The following PCDHA10 variants were observed in gnomAD, a reference collection of about 807,000 sequenced individuals.
PCDHA10 encodes protocadherin alpha-10.
Under a neutral mutation model 61.2 loss-of-function variants are expected in PCDHA10, and 45 were observed. That is an observed-to-expected ratio of 0.74 (90% confidence interval 0.58 to 0.94). PCDHA10 has a LOEUF of 0.94. PCDHA10 is among the 40% of genes least tolerant of loss of function. The pLI, the probability that PCDHA10 is intolerant of heterozygous loss-of-function variation, is 0.00. For missense variants in PCDHA10, 1,278 were observed against 1,236.2 expected, an observed-to-expected ratio of 1.03 and a Z score of -0.51; for synonymous variants, 602 against 548.8, an observed-to-expected ratio of 1.10 and a Z score of -1.35.
At chr5:140,882,369 C>T (rs1554173809) in intron 1 of PCDHA10, 1 of 1,614,222 alleles carries the variant, frequency 6.2e-7, no homozygotes, top group South Asian at 1.1e-5. Context: ...CTCCACTACT[C>T]CGTCCCCGAG....
At chr5:140,897,759 G>A (rs1238732675) in intron 1 of PCDHA10, among the ~76,000 whole-genome samples, 7 of 152,228 alleles carry the variant, frequency 4.6e-5, no homozygotes, top group South Asian at 2.1e-4. Flanking sequence ...CTGAGGAATC[G>A]CCACACTGAC....
chr5:140,998,066 C>T (rs1234368433), intron 3 of PCDHA10, among the ~76,000 whole-genome samples: 2 of 152,160 alleles, frequency 1.3e-5, no homozygotes, highest in East Asian at 1.9e-4. Flanking sequence ...CATCAACAGA[C>T]TTAGCCTCTG....
intron 1 of PCDHA10, among the ~76,000 whole-genome samples, chr5:140,958,384 C>G (rs1352428582): frequency 6.6e-6 from 1 of 152,098 alleles, no homozygotes; most frequent in Non-Finnish European, 1.5e-5. Context: ...ATTTTCTTAA[C>G]AGGTCATCAA....
intron 1 of PCDHA10, among the ~76,000 whole-genome samples, chr5:140,960,080 A>G: frequency 6.6e-6 from 1 of 152,360 alleles, no homozygotes; most frequent in South Asian, 2.1e-4. Context: ...GAAGTTTCTA[A>G]AAGAGAAAGA....
rs188796483 is a variant in PCDHA10 at position 140,869,402 on chromosome 5, C to T, written c.2388+10966C>T. On this transcript the variant is annotated intron_variant, in intron 1 of 3. Transcript: ENST00000307360. The stretch of plus-strand genomic sequence containing the variant: ...CGCGAGGAGCTGTGCGGGCAGAGCG[C>T]GGAGTGCAGCATCCACCTGGAGGTG... 9.6e-4 allele frequency: 1,554 copies of T among 1,614,178 alleles called. 9 individuals are homozygous for T. The highest frequency in any genetic ancestry group is 2.2e-4 in the Non-Finnish European group (262 of 1,180,040).
Position 141,009,859 on chromosome 5 carries a change from G to A in PCDHA10, c.2769G>A (p.Lys923=). The A allele has an allele frequency of 1.2e-6, 2 of 1,613,884 alleles. No homozygotes were observed. Among genetic ancestry groups the A allele is most frequent in the Non-Finnish European group, 1.7e-6 (2 of 1,179,960 alleles). The part of the protein sequence containing the change: ...TFGKKEETKK[K]KKKKKGNKTQ... ...GCAAAAAGGAGGAGACCAAGAAAAA[G>A]AAGAAAAAGAAGAAGGGTAACAAGA... The change falls in exon 4 of 4, where the codon AAG becomes AAA. Residue 923 remains lysine (K), a synonymous_variant. Transcript: ENST00000307360.
At chr5:141,008,707 T>C (rs1255261995) in intron 3 of PCDHA10, among the ~76,000 whole-genome samples, 1 of 152,216 alleles carries the variant, frequency 6.6e-6, no homozygotes, top group Non-Finnish European at 1.5e-5. Flanking sequence ...TGGTTTCTAG[T>C]TGCTTGAGTG....
intron 1 of PCDHA10, among the ~76,000 whole-genome samples, chr5:140,893,817 C>G (rs951661016): frequency 6.6e-6 from 1 of 151,980 alleles, no homozygotes; most frequent in Admixed American, 6.6e-5. Flanking sequence ...AGTCTGGTAC[C>G]GTAGACTACT....
At chr5:140,880,095 A>G (rs2058235665) in intron 1 of PCDHA10, among the ~76,000 whole-genome samples, 1 of 152,246 alleles carries the variant, frequency 6.6e-6, no homozygotes, top group South Asian at 2.1e-4. Flanking sequence ...AGTAGGCTTA[A>G]AATCATAGAA....
At chr5:140,944,304 C>T (rs1383475197) in intron 1 of PCDHA10, among the ~76,000 whole-genome samples, 1 of 152,162 alleles carries the variant, frequency 6.6e-6, no homozygotes, top group Non-Finnish European at 1.5e-5. Context: ...CCTCCTACCT[C>T]AGCCTCCTGA....
At chr5:140,990,029 A>G (rs1343846819) in intron 3 of PCDHA10, among the ~76,000 whole-genome samples, 1 of 152,146 alleles carries the variant, frequency 6.6e-6, no homozygotes, top group African/African-American at 2.4e-5. Context: ...AAAGGATGGG[A>G]GAAGTCAGTC....
chr5:140,857,554 G>T lies in PCDHA10; in HGVS notation c.1506G>T (p.Ser502=), dbSNP rs782355772. The change falls in exon 1 of 4, where the codon TCG becomes TCT. Residue 502 remains serine, a synonymous_variant. Coordinates refer to ENST00000307360, the MANE Select transcript of PCDHA10 (RefSeq NM_018901.4). ...TGGAGCGGCGGTTGGGCGAGCGCTC[G>T]CTGTCGAGCTACGTGTCGGTGCACG... The part of the protein sequence containing the change: ...SLVERRLGER[S]LSSYVSVHAE... 1.1e-5 allele frequency: 18 copies of T among 1,596,768 alleles called. 1 individual carries two copies. Among genetic ancestry groups the T allele is most frequent in the East Asian group, 6.7e-5 (3 of 44,826 alleles).
intron 1 of PCDHA10, among the ~76,000 whole-genome samples, chr5:140,943,778 G>A (rs1554215923): frequency 6.6e-6 from 1 of 152,242 alleles, no homozygotes; most frequent in African/African-American, 2.4e-5. Flanking sequence ...AAACTAGGAA[G>A]TGGTCCTTTA....
intron 1 of PCDHA10, chr5:140,869,239 G>A: frequency 6.2e-7 from 1 of 1,613,652 alleles, no homozygotes; most frequent in Non-Finnish European, 8.5e-7. Context: ...CACCTTCGTG[G>A]GCCGCATCGC....
In PCDHA10 at chr5:140,883,441, G is replaced by A. The variant is rs782063932; in HGVS notation, c.2388+25005G>A. 3.1e-6 allele frequency: 5 copies of A among 1,614,130 alleles called. No homozygotes were observed. In the African/African-American group the frequency reaches 4.0e-5, roughly 13 times the overall value. Reference sequence around the variant, plus strand: ...GACAGGTCACCTGCACCTTGACGCCGCATGTCCCCTTCAAGCTGGTGTCCA... The same window carrying A: ...GACAGGTCACCTGCACCTTGACGCCACATGTCCCCTTCAAGCTGGTGTCCA... On this transcript the variant is annotated intron_variant, in intron 1 of 3. Transcript: ENST00000307360.
At chr5:140,871,700 A>G in intron 1 of PCDHA10, 1 of 896,726 alleles carries the variant, frequency 1.1e-6, no homozygotes, top group Non-Finnish European at 1.6e-6. Flanking sequence ...TTCTTTAACC[A>G]ATAAATGTCC....
chr5:140,881,012 G>C (rs1445864276), intron 1 of PCDHA10, among the ~76,000 whole-genome samples: 2 of 152,202 alleles, frequency 1.3e-5, no homozygotes, highest in Admixed American at 1.3e-4. Flanking sequence ...CAGAGCTATG[G>C]AAATAAACCC....
chr5:140,876,829 C>T (rs782699472), intron 1 of PCDHA10: 2 of 1,614,196 alleles, frequency 1.2e-6, no homozygotes, highest in Non-Finnish European at 1.7e-6. Context: ...CGACAATGCG[C>T]CTGCGTTCGC....
At chr5:140,865,173 T>C (rs1230117656) in intron 1 of PCDHA10, 1 of 152,234 alleles carries the variant, frequency 6.6e-6, no homozygotes, top group African/African-American at 2.4e-5. Context: ...TGATGCAAAA[T>C]ATTTTTTGCC....
Sources: gnomAD v4.1 joint callset for allele counts (sites outside exome capture counted in the v4.1 genomes callset) on GRCh38, gnomAD v4.1.1 for gene constraint, MANE v1.5 for transcripts, NCBI Gene and HGNC (gene_info 2026-07-23, HGNC 2026-07-21) for gene names.